The following STRN variants were observed in gnomAD, a reference collection of about 807,000 sequenced individuals.
STRN encodes the protein protein phosphatase 2 regulatory subunit B'''alpha.
Under a neutral mutation model 96.3 loss-of-function variants are expected in STRN, and 53 were observed. The observed-to-expected ratio is 0.55, with a 90% CI of 0.44 to 0.69. The LOEUF (loss-of-function observed/expected upper bound fraction) is 0.69, where lower values mean the gene tolerates loss of function less well. STRN is among the 30% of genes least tolerant of loss of function. The pLI is 0.00. For synonymous variants in STRN, 428 were observed against 355.9 expected (o/e 1.20, Z -2.28); for missense variants, 987 against 963.9 (o/e 1.02, Z -0.32).
At chr2:36,923,213 G>T (rs1233552506) in intron 2 of STRN, among the ~76,000 whole-genome samples, 1 of 151,674 alleles carries the variant, frequency 6.6e-6, no homozygotes, top group African/African-American at 2.4e-5. Flanking sequence ...ACTTTGGGAG[G>T]CTGAGATGGT....
intron 6 of STRN, among the ~76,000 whole-genome samples, chr2:36,898,806 T>A (rs1669608883): frequency 6.6e-6 from 1 of 152,132 alleles, no homozygotes; most frequent in African/African-American, 2.4e-5. Flanking sequence ...TGCAAACATT[T>A]TCCTAGACAA....
Position 36,847,929 on chromosome 2 carries a change from A to G in STRN, c.*1527T>C, listed in dbSNP as rs1052791861. The G allele has an allele frequency of 2.0e-5, 3 of 152,226 alleles. No homozygotes were observed. Among genetic ancestry groups the G allele is most frequent in the South Asian group, 2.1e-4 (1 of 4,838 alleles). The allele number at this position is 152,226 out of a possible 1,614,324, so 9.4% of individuals were successfully genotyped here. ...ATTTTTAAAATCTAAGAGCCTATTT[A>G]TATGTTTTTTGGTGGAAAGTTGGAC... On this transcript the variant is annotated 3_prime_UTR_variant, in exon 18 of 18. Coordinates refer to ENST00000263918, the MANE Select transcript of STRN (RefSeq NM_003162.4).
At chr2:36,875,252 G>T (rs973924612) in intron 10 of STRN, among the ~76,000 whole-genome samples, 1 of 152,126 alleles carries the variant, frequency 6.6e-6, no homozygotes. Flanking sequence ...GCTCATGCCT[G>T]TAATCCCAGC....
intron 1 of STRN, among the ~76,000 whole-genome samples, chr2:36,935,329 C>T (rs1014626705): frequency 6.6e-5 from 10 of 152,074 alleles, no homozygotes; most frequent in Non-Finnish European, 1.0e-4. Flanking sequence ...AACAAAAAAA[C>T]CTCTGTATGT....
rs1427323047 is a variant in STRN, at chr2:36,857,914, C to A, written c.1779G>T (p.Leu593=). The A allele has an allele frequency of 1.9e-6, 3 of 1,614,118 alleles. No individual in the cohort carries two copies. In the Admixed American group the frequency reaches 5.0e-5, roughly 27 times the overall value. ...CAACCTCAGTTGTATTCCATAAACG[C>A]AGAGTGCCATCTGCTGAACAGGACA... The part of the protein sequence containing the change: ...RLLSCSADGT[L]RLWNTTEVAP... Residue 593 remains leucine, a synonymous_variant, in exon 14 of 18, where the codon CTG becomes CTT. Transcript: ENST00000263918.
intron 11 of STRN, among the ~76,000 whole-genome samples, chr2:36,869,054 T>C (rs1668700015): frequency 6.6e-6 from 1 of 152,186 alleles, no homozygotes; most frequent in African/African-American, 2.4e-5. Context: ...CCTCTGAGTC[T>C]AGACATATTG....
At chr2:36,868,868 G>C (rs964685031) in intron 11 of STRN, among the ~76,000 whole-genome samples, 2 of 150,322 alleles carry the variant, frequency 1.3e-5, no homozygotes, top group African/African-American at 4.9e-5. Context: ...GGCAGATGCT[G>C]GTTCTTTTTT....
intron 13 of STRN, among the ~76,000 whole-genome samples, chr2:36,858,955 G>C (rs1184794103): frequency 6.6e-6 from 1 of 152,170 alleles, no homozygotes; most frequent in Non-Finnish European, 1.5e-5. Context: ...ACAGATGTTA[G>C]CCAGTTGAAG....
chr2:36,913,745 A>G (rs1670021755), intron 3 of STRN, among the ~76,000 whole-genome samples: 1 of 152,242 alleles, frequency 6.6e-6, no homozygotes, highest in Admixed American at 6.5e-5. Flanking sequence ...ATGAAATGAT[A>G]CTAGGTACTA....
intron 10 of STRN, among the ~76,000 whole-genome samples, chr2:36,875,578 A>G (rs1668883053): frequency 6.6e-6 from 1 of 152,098 alleles, no homozygotes; most frequent in Non-Finnish European, 1.5e-5. Context: ...ATTACCAAAA[A>G]AAAAGCAAAA....
rs933140812 is a variant in STRN, at chr2:36,869,737, A to C, written c.1324-8T>G. ...ATCTTTATTGTTTGCTATCTATTAA[A>C]GAAACAAAACAAAGATATCTACACA... On this transcript the variant is annotated splice_polypyrimidine_tract_variant and splice_region_variant and intron_variant, in intron 10 of 17. Transcript: ENST00000263918. The C allele has an allele frequency of 1.3e-6, 2 of 1,582,324 alleles. No homozygotes were observed. The highest frequency in any genetic ancestry group is 2.3e-5 in the South Asian group (2 of 85,264).
At chr2:36,964,329 G>T (rs1401098282) in intron 1 of STRN, among the ~76,000 whole-genome samples, 2 of 150,364 alleles carry the variant, frequency 1.3e-5, no homozygotes, top group African/African-American at 4.9e-5. Context: ...AACTGGAAAA[G>T]AAATTAAATT....
At chr2:36,914,602 G>C (rs536911035) in intron 3 of STRN, among the ~76,000 whole-genome samples, 1 of 152,252 alleles carries the variant, frequency 6.6e-6, no homozygotes, top group African/African-American at 2.4e-5. Context: ...ATTCAGCTGA[G>C]GAAATGCATT....
At chr2:36,932,039 C>G (rs1382611219) in intron 1 of STRN, among the ~76,000 whole-genome samples, 1 of 152,128 alleles carries the variant, frequency 6.6e-6, no homozygotes, top group Admixed American at 6.6e-5. Context: ...AGGCTGGTCT[C>G]GAACTCCTAG....
At chr2:36,944,460 T>A (rs1670928939) in intron 1 of STRN, among the ~76,000 whole-genome samples, 1 of 152,114 alleles carries the variant, frequency 6.6e-6, no homozygotes, top group African/African-American at 2.4e-5. Flanking sequence ...ACACAGAAAA[T>A]ATATCCTTTA....
chr2:36,947,599 C>T (rs966977279), intron 1 of STRN, among the ~76,000 whole-genome samples: 1 of 148,766 alleles, frequency 6.7e-6, no homozygotes, highest in Non-Finnish European at 1.5e-5. Context: ...AATCACTGAA[C>T]TGTGTTTTAC....
intron 1 of STRN, among the ~76,000 whole-genome samples, chr2:36,949,060 C>T (rs1664684458): frequency 6.6e-6 from 1 of 152,154 alleles, no homozygotes; most frequent in Non-Finnish European, 1.5e-5. Context: ...TAAGGTTATA[C>T]CATAATTTGG....
chr2:36,857,889 C>A lies in STRN; in HGVS notation c.1804G>T (p.Ala602Ser). The A allele has an allele frequency of 6.2e-7, 1 of 1,614,070 alleles. No homozygotes were observed. The highest frequency in any genetic ancestry group is 1.3e-5 in the African/African-American group (1 of 75,026). Residue 602 changes from alanine (A) to serine (S), a missense_variant, in exon 14 of 18, where the codon GCT becomes TCT. Coordinates refer to ENST00000263918, the MANE Select transcript of STRN (RefSeq NM_003162.4). Reference protein sequence around the residue: ...TLRLWNTTEVAPALSVFNDTK... With the variant: ...TLRLWNTTEVSPALSVFNDTK... Reference sequence around the variant, plus strand: ...TCATTAAATACACTTAGTGCTGGAGCAACCTCAGTTGTATTCCATAAACGC... The same window carrying A: ...TCATTAAATACACTTAGTGCTGGAGAAACCTCAGTTGTATTCCATAAACGC...
At chr2:36,872,275 T>C (rs1668781290) in intron 10 of STRN, among the ~76,000 whole-genome samples, 1 of 152,212 alleles carries the variant, frequency 6.6e-6, no homozygotes, top group South Asian at 2.1e-4. Flanking sequence ...GGGAGCCAGC[T>C]GCCATGCTGA....
Sources: gnomAD v4.1 joint callset for allele counts (sites outside exome capture counted in the v4.1 genomes callset) on GRCh38, gnomAD v4.1.1 for gene constraint, MANE v1.5 for transcripts, NCBI Gene and HGNC (gene_info 2026-07-23, HGNC 2026-07-21) for gene names.